Variants in CEP350 observed in about 807,000 individuals in gnomAD.
The protein encoded by CEP350 is centrosomal protein 350.
In CEP350, 126 loss-of-function variants were observed where a neutral mutation model predicts 331.8. The observed-to-expected ratio is 0.38, with a 90% confidence interval of 0.33 to 0.44. The LOEUF (loss-of-function observed/expected upper bound fraction) is 0.44, where lower values mean the gene tolerates loss of function less well. Among genes scored for constraint, CEP350 ranks in the 20% least tolerant of loss-of-function variants. CEP350 has a pLI of 1.00. For missense variants in CEP350, 3,406 were observed against 3,634.6 expected, an observed-to-expected ratio of 0.94 and a Z score of 1.62; for synonymous variants, 1,200 against 1,259.5, an observed-to-expected ratio of 0.95 and a Z score of 1.00.
chr1:179,981,833 A>G (rs922851464), intron 1 of CEP350, among the ~76,000 whole-genome samples: 2 of 151,954 alleles, frequency 1.3e-5, no homozygotes, highest in African/African-American at 4.8e-5. Context: ...CCTCATCTCT[A>G]TAAAAATAAA....
intron 37 of CEP350, among the ~76,000 whole-genome samples, chr1:180,100,033 G>A (rs921718172): frequency 6.6e-6 from 1 of 152,166 alleles, no homozygotes; most frequent in Non-Finnish European, 1.5e-5. Context: ...TGATCCGCCT[G>A]CCTTGGCCTC....
intron 6 of CEP350, among the ~76,000 whole-genome samples, chr1:179,997,491 C>T (rs558491556): frequency 6.1e-5 from 9 of 146,850 alleles, no homozygotes; most frequent in Admixed American, 5.5e-4. Flanking sequence ...TACACTGAGC[C>T]GAGATCTCAC....
At chr1:180,036,744 A>G (rs1482722734) in intron 16 of CEP350, among the ~76,000 whole-genome samples, 182 bp from the exon 17 acceptor site, 9 of 152,152 alleles carry the variant, frequency 5.9e-5, no homozygotes, top group Non-Finnish European at 1.3e-4. Context: ...TTATTCTGTT[A>G]TTTACTTTAT....
intron 14 of CEP350, among the ~76,000 whole-genome samples, chr1:180,027,702 A>G (rs1236194584): frequency 6.6e-6 from 1 of 152,170 alleles, no homozygotes; most frequent in Non-Finnish European, 1.5e-5. Flanking sequence ...TGAATATATT[A>G]TAATTTATTT....
chr1:180,048,870 A>T (rs1469885050), intron 22 of CEP350, among the ~76,000 whole-genome samples, 165 bp downstream of exon 22: 1 of 152,166 alleles, frequency 6.6e-6, no homozygotes, highest in East Asian at 1.9e-4. Flanking sequence ...GGAGTTTGAA[A>T]CCAGCCAGGG....
Position 180,093,495 on chromosome 1 carries a change from C to G in CEP350, c.7390C>G (p.Leu2464Val). The G allele has an allele frequency of 1.2e-6, 2 of 1,611,692 alleles. No homozygotes were observed. The highest frequency in any genetic ancestry group is 8.5e-7 in the Non-Finnish European group (1 of 1,178,632). The change falls in exon 34 of 38, where the codon CTG (leucine) becomes GTG (valine). Residue 2464 changes from leucine (L) to valine (V), a missense_variant. This residue lies in a region of CEP350 where 1,415 missense variants were observed against 1,512.3 expected (regional missense o/e 0.94). Transcript: ENST00000367607. ...RLLELKSPTE[L>V]MKSKERSDVE... ...GTTGGAACTCAAGTCCCCTACTGAG[C>G]TGATGAAAAGTAAGGAGCGCAGTGA...
At chr1:180,057,287 G>C (rs1402135206) in intron 25 of CEP350, among the ~76,000 whole-genome samples, 1 of 151,836 alleles carries the variant, frequency 6.6e-6, no homozygotes, top group Non-Finnish European at 1.5e-5. Context: ...TTTTAGTAGA[G>C]ACGGGGTTTC....
At chr1:180,023,732 A>G (rs1045626381) in intron 13 of CEP350, among the ~76,000 whole-genome samples, 1 of 152,216 alleles carries the variant, frequency 6.6e-6, no homozygotes. Context: ...ACATAGTCAC[A>G]TAGTAAGTGA....
chr1:179,985,003 T>C (rs1473546144), intron 1 of CEP350, among the ~76,000 whole-genome samples: 1 of 152,190 alleles, frequency 6.6e-6, no homozygotes, highest in African/African-American at 2.4e-5. Flanking sequence ...TGGTAACATA[T>C]ACATAACAAA....
At chr1:180,037,646 G>A (rs755569778) in intron 17 of CEP350, among the ~76,000 whole-genome samples, 13 of 151,842 alleles carry the variant, frequency 8.6e-5, no homozygotes, top group Admixed American at 2.0e-4. Flanking sequence ...ATTTTGATGA[G>A]TTTATTTATT....
chr1:180,053,625 A>T (rs2040083), intron 23 of CEP350, 125 bp from the exon 24 acceptor site: 527,442 of 527,478 alleles, frequency 1, 263,703 homozygotes, highest in Middle Eastern at 1. Flanking sequence ...TAAAGAATAT[A>T]CTCTTACATT....
At chr1:179,968,118 G>A (rs1424717265) in intron 1 of CEP350, among the ~76,000 whole-genome samples, 1 of 152,150 alleles carries the variant, frequency 6.6e-6, no homozygotes, top group Non-Finnish European at 1.5e-5. Context: ...ATCACCTGAG[G>A]TCAGGAGATC....
intron 17 of CEP350, among the ~76,000 whole-genome samples, chr1:180,040,143 C>A (rs577936018): frequency 1.4e-4 from 21 of 151,940 alleles, no homozygotes; most frequent in African/African-American, 5.1e-4. Flanking sequence ...TGCCCTCCCC[C>A]CGCCACTGCC....
At chr1:180,110,932 G>T (rs1661437515) in intron 37 of CEP350, 65 bp from the exon 38 acceptor site, 2 of 1,397,032 alleles carry the variant, frequency 1.4e-6, no homozygotes, top group African/African-American at 2.8e-5. Flanking sequence ...TACAAAGTCA[G>T]CAATTATATT....
chr1:180,041,295 A>T (rs1422675763), intron 18 of CEP350, 47 bp downstream of exon 18: 4 of 1,334,700 alleles, frequency 3.0e-6, no homozygotes, highest in Admixed American at 2.5e-5. Flanking sequence ...CTAAATTTGT[A>T]TCTTAGAAAT....
Position 180,090,725 on chromosome 1 carries a change from C to A in CEP350, c.6437C>A (p.Ala2146Glu), listed in dbSNP as rs201937821. The change falls in exon 33 of 38, where the codon GCA (alanine) becomes GAA (glutamate). Residue 2146 changes from alanine to glutamate, a missense_variant. Ala to Glu is a moderately radical substitution (Grantham distance 107). Around this residue, in one of 5 missense-constraint regions of CEP350, gnomAD observed 1,415 missense variants for 1,512.3 expected, o/e 0.94. Transcript: ENST00000367607. ...PLTPLHRSET[A>E]KNWKSLTESE... The stretch of plus-strand genomic sequence containing the variant: ...TTTTTACACGTCAGATCTGAAACGG[C>A]AAAGAATTGGAAATCACTAACAGAG... The A allele has an allele frequency of 8.8e-5, 137 of 1,550,492 alleles. 1 individual carries two copies. In the African/African-American group the frequency reaches 1.6e-3, roughly 19 times the overall value.
At chr1:179,969,363 AG>A in intron 1 of CEP350, 1 of 516,054 alleles carries the variant, frequency 1.9e-6, no homozygotes, top group South Asian at 1.4e-5. Flanking sequence ...ACTCAGCCTG[AG>A]GTTGCAGACT....
chr1:180,073,084 G>T (rs957574514), intron 27 of CEP350, among the ~76,000 whole-genome samples: 1 of 151,204 alleles, frequency 6.6e-6, no homozygotes, highest in Non-Finnish European at 1.5e-5. Context: ...TCCATATCAG[G>T]TTTTTTTTTC....
Position 180,024,526 on chromosome 1 carries a change from C to A in CEP350, c.3494C>A (p.Ser1165Ter). ...TCATCAGGAGCCCAGTCTGCTGCAT[C>A]GTCTCGTTCATCTACTTCTTCTAAA... ...QHSSGAQSAASSRSSTSSKGK... is the reference protein window; with the variant it reads ...QHSSGAQSAA Residue 1165 changes from serine (S) to a stop codon, truncating the protein, a stop_gained, in exon 14 of 38, where the codon TCG (serine) becomes TAG (stop). Transcript: ENST00000367607. LOFTEE classifies it high-confidence loss of function. The A allele has an allele frequency of 6.2e-7, 1 of 1,613,124 alleles. No homozygotes were observed. Among genetic ancestry groups the A allele is most frequent in the Non-Finnish European group, 8.5e-7 (1 of 1,179,524 alleles).
Sources: gnomAD v4.1 joint callset for allele counts (sites outside exome capture counted in the v4.1 genomes callset) on GRCh38, gnomAD v4.1.1 for gene constraint, gnomAD v4.1.1 regional missense constraint, MANE v1.5 for transcripts, NCBI Gene and HGNC (gene_info 2026-07-23, HGNC 2026-07-21) for gene names.